Variants in SNX4 observed in about 807,000 individuals in gnomAD.
SNX4 encodes sorting nexin-4.
In SNX4, 49 loss-of-function variants were observed where a neutral mutation model predicts 70.8. The observed-to-expected ratio is 0.69, with a 90% confidence interval of 0.55 to 0.88. The LOEUF (loss-of-function observed/expected upper bound fraction) is 0.88. SNX4 is among the 40% of genes least tolerant of loss of function. SNX4 has a pLI of 0.00. For missense variants in SNX4, 528 were observed against 544.8 expected (o/e 0.97, Z 0.31); for synonymous variants, 206 against 183.8 (o/e 1.12, Z -0.98).
intron 1 of SNX4, among the ~76,000 whole-genome samples, chr3:125,513,101 A>G (rs1423141028): frequency 1.3e-5 from 2 of 152,116 alleles, no homozygotes; most frequent in Non-Finnish European, 2.9e-5. Flanking sequence ...AAATCCTAAC[A>G]CTCAAGGTGA....
chr3:125,504,855 TA>T (rs1935012967), intron 1 of SNX4, 111 bp from the exon 2 acceptor site: 28 of 1,214,816 alleles, frequency 2.3e-5, no homozygotes, highest in Non-Finnish European at 3.1e-5. Context: ...TATTTCAAAA[TA>T]GTTACTTATA....
chr3:125,496,559 A>G lies in SNX4; in HGVS notation c.597+782T>C, dbSNP rs3772210. Among the ~76,000 whole-genome samples the G allele has an allele frequency of 7.0e-3, 1,059 of 152,190 alleles. 7 individuals carry two copies. Among genetic ancestry groups the G allele is most frequent in the African/African-American group, 0.021 (855 of 41,554 alleles). ...ACAATTTATATTATGTTATATATCAATTTATATTCTGTTAGTCTACTTACC... is the reference window on the plus strand; with the variant it reads ...ACAATTTATATTATGTTATATATCAGTTTATATTCTGTTAGTCTACTTACC... On this transcript the variant is annotated intron_variant, in intron 5 of 13. Transcript: ENST00000251775.
chr3:125,514,383 C>T (rs1434775122), intron 1 of SNX4, among the ~76,000 whole-genome samples: 4 of 141,398 alleles, frequency 2.8e-5, no homozygotes, highest in Admixed American at 7.7e-5. Context: ...TGGGTTGTGA[C>T]CAACACTTTT....
intron 1 of SNX4, among the ~76,000 whole-genome samples, chr3:125,506,141 G>A (rs1364233469): frequency 2.6e-5 from 4 of 152,072 alleles, no homozygotes; most frequent in African/African-American, 9.7e-5. Context: ...CCCCAGGGTA[G>A]GAGAAGAATT....
At chr3:125,497,280 T>C (rs1454998718) in intron 5 of SNX4, 61 bp downstream of exon 5, 10 of 1,001,266 alleles carry the variant, frequency 1.0e-5, no homozygotes, top group Non-Finnish European at 1.6e-6. Flanking sequence ...TCCCAATGAG[T>C]GCATGGCACC....
At chr3:125,503,140 C>T (rs376447803) in intron 2 of SNX4, among the ~76,000 whole-genome samples, 1 of 152,174 alleles carries the variant, frequency 6.6e-6, no homozygotes. Flanking sequence ...CTCCTGACCT[C>T]AGGTGATCTG....
intron 13 of SNX4, among the ~76,000 whole-genome samples, chr3:125,448,667 T>C (rs1173131770): frequency 2.0e-5 from 3 of 148,168 alleles, no homozygotes. Context: ...AAGGGTTTTT[T>C]CCTTTTTTTT....
intron 13 of SNX4, among the ~76,000 whole-genome samples, chr3:125,448,863 G>A (rs931304029): frequency 2.0e-5 from 3 of 151,556 alleles, no homozygotes; most frequent in African/African-American, 7.3e-5. Context: ...TTTTAGTAGA[G>A]ATGAGATTTC....
At position 125,475,686 on chromosome 3, in the gene SNX4, G is replaced by A. The variant is rs114531912; in HGVS notation, c.788+1009C>T. 8.1e-3 allele frequency among the ~76,000 whole-genome samples: 1,237 copies of A among 152,268 alleles called. 21 individuals are homozygous for A. Among genetic ancestry groups the A allele is most frequent in the African/African-American group, 0.028 (1,161 of 41,556 alleles). On this transcript the variant is annotated intron_variant, in intron 8 of 13. Transcript: ENST00000251775. Reference sequence around the variant, plus strand: ...GGCTGAGAAAATTTTTTAATAATCCGAAGTAGGGGACCAGGCATGGTGACT... The same window carrying A: ...GGCTGAGAAAATTTTTTAATAATCCAAAGTAGGGGACCAGGCATGGTGACT...
intron 12 of SNX4, among the ~76,000 whole-genome samples, chr3:125,451,678 G>A (rs1013715194): frequency 6.6e-6 from 1 of 151,854 alleles, no homozygotes; most frequent in Non-Finnish European, 1.5e-5. Context: ...CCAGGCTGGA[G>A]TGTAGTGGCG....
At chr3:125,508,776 A>G (rs755076784) in intron 1 of SNX4, among the ~76,000 whole-genome samples, 1 of 152,172 alleles carries the variant, frequency 6.6e-6, no homozygotes, top group Non-Finnish European at 1.5e-5. Context: ...GAAAAGGACA[A>G]TTTTTCCAAC....
intron 2 of SNX4, 130 bp from the exon 3 acceptor site, chr3:125,498,324 A>G: frequency 3.2e-6 from 3 of 929,862 alleles, no homozygotes; most frequent in East Asian, 2.8e-5. Flanking sequence ...CTTTTCATAC[A>G]TTTTTCTTTT....
chr3:125,485,456 C>A (rs1293965835), intron 6 of SNX4, among the ~76,000 whole-genome samples: 3 of 152,140 alleles, frequency 2.0e-5, no homozygotes, highest in Non-Finnish European at 4.4e-5. Flanking sequence ...TGCCACCATG[C>A]CTGGCTAATT....
intron 7 of SNX4, among the ~76,000 whole-genome samples, chr3:125,479,127 T>C (rs1355369283): frequency 6.6e-6 from 1 of 152,156 alleles, no homozygotes; most frequent in East Asian, 1.9e-4. Context: ...CAGAAGGATA[T>C]ACCTCCATTT....
intron 1 of SNX4, among the ~76,000 whole-genome samples, chr3:125,508,813 T>C (rs970952634): frequency 6.6e-6 from 1 of 151,978 alleles, no homozygotes; most frequent in Non-Finnish European, 1.5e-5. Flanking sequence ...ACTGAATATC[T>C]ACATACAAAA....
chr3:125,474,397 A>T (rs566552508), intron 8 of SNX4, among the ~76,000 whole-genome samples: 8 of 152,276 alleles, frequency 5.3e-5, no homozygotes, highest in African/African-American at 1.9e-4. Flanking sequence ...AGCTCACTAT[A>T]ACCTTGAACT....
Position 125,457,265 on chromosome 3 carries a change from C to T in SNX4, c.1044+1G>A. On this transcript the variant is annotated splice_donor_variant, in intron 11 of 13. Transcript: ENST00000251775. LOFTEE classifies it high-confidence loss of function. Reference sequence around the variant, plus strand: ...TCAGAGGCCAAAAGGAAAATACTCACCCCAGTTACCAGTTCCTCACACTGC... The same window carrying T: ...TCAGAGGCCAAAAGGAAAATACTCATCCCAGTTACCAGTTCCTCACACTGC... The T allele has an allele frequency of 6.2e-7, 1 of 1,610,834 alleles. No individual in the cohort carries two copies. Among genetic ancestry groups the T allele is most frequent in the Non-Finnish European group, 8.5e-7 (1 of 1,177,042 alleles).
chr3:125,453,327 A>G (rs987538130), intron 12 of SNX4, among the ~76,000 whole-genome samples: 3 of 152,176 alleles, frequency 2.0e-5, no homozygotes, highest in African/African-American at 7.2e-5. Context: ...TCAGCTGGGT[A>G]CTGAAGGAGG....
chr3:125,451,365 GT>G lies in SNX4; in HGVS notation c.1244del (p.Asn415ThrfsTer4). 1.2e-6 allele frequency: 2 copies of G among 1,613,840 alleles called. No homozygotes were observed. The highest frequency in any genetic ancestry group is 1.7e-6 in the Non-Finnish European group (2 of 1,179,886). The part of the protein sequence containing the change: ...ADIERFKEQK[N>X]RDLKEALISY... ...TTATGAGGGCCTCCTTTAAGTCTCG[GT>G]TCTTTTGTTCTTTGAAGCGTTCAAT... On this transcript the variant is annotated frameshift_variant, in exon 13 of 14. Coordinates refer to ENST00000251775, the MANE Select transcript of SNX4 (RefSeq NM_003794.4). LOFTEE classifies it high-confidence loss of function.
Sources: allele counts gnomAD v4.1 joint callset (sites outside exome capture counted in the v4.1 genomes callset), GRCh38; gene constraint gnomAD v4.1.1; transcripts MANE v1.5; gene names NCBI Gene and HGNC (gene_info 2026-07-23, HGNC 2026-07-21).